PLXDC1: variants seen among roughly 807,000 people sequenced by gnomAD.
PLXDC1 encodes plexin domain containing 1.
In PLXDC1, 39 loss-of-function variants were observed where a neutral mutation model predicts 61.3. The ratio of observed to expected loss-of-function variants is 0.64; its 90% CI spans 0.49 to 0.83. The LOEUF (loss-of-function observed/expected upper bound fraction) is 0.83. PLXDC1 is among the 40% of genes least tolerant of loss of function. The pLI, the probability that PLXDC1 is intolerant of heterozygous loss-of-function variation, is 0.00. For missense variants in PLXDC1, 596 were observed against 666.5 expected, an observed-to-expected ratio of 0.89 and a Z score of 1.17; for synonymous variants, 212 against 254.5, an observed-to-expected ratio of 0.83 and a Z score of 1.59.
chr17:39,134,956 C>A (rs73983219), intron 2 of PLXDC1, among the ~76,000 whole-genome samples: 3 of 152,176 alleles, frequency 2.0e-5, no homozygotes, highest in Non-Finnish European at 2.9e-5. Flanking sequence ...CCACTTTATG[C>A]GCCTGACTCA....
intron 1 of PLXDC1, among the ~76,000 whole-genome samples, chr17:39,141,658 C>T (rs75035645): frequency 0.011 from 1,653 of 152,266 alleles, 50 homozygotes; most frequent in East Asian, 0.047. Context: ...TACCCAGAAG[C>T]GGAATTGCTG....
At chr17:39,151,977 G>A (rs2045376768), upstream of PLXDC1, among the ~76,000 whole-genome samples, 1 of 152,066 alleles carries the variant, frequency 6.6e-6, no homozygotes, top group South Asian at 2.1e-4. This position sits in a 1 kb window ranked among gnomAD's most constrained non-coding sequence, Gnocchi z 5.2. Context: ...CCCATCCCTG[G>A]GTCACGGGCC....
At chr17:39,117,715 C>T (rs977130222) in intron 2 of PLXDC1, among the ~76,000 whole-genome samples, 2 of 152,180 alleles carry the variant, frequency 1.3e-5, no homozygotes, top group African/African-American at 4.8e-5. Flanking sequence ...GCATTCCAGC[C>T]TGGGCAACAG....
chr17:39,135,141 G>A (rs1197147939), intron 2 of PLXDC1, among the ~76,000 whole-genome samples: 1 of 152,194 alleles, frequency 6.6e-6, no homozygotes, highest in East Asian at 1.9e-4. Context: ...TCGGGTTCCT[G>A]ACCTGACATC....
At chr17:39,086,337 G>A (rs562148425) in intron 8 of PLXDC1, among the ~76,000 whole-genome samples, 2 of 152,116 alleles carry the variant, frequency 1.3e-5, no homozygotes, top group Non-Finnish European at 2.9e-5. Context: ...ACCCCCTGGT[G>A]TCTGAGTCCT....
rs76034998 is a variant in PLXDC1 at position 39,067,451 on chromosome 17, A to G, written c.*389T>C. The G allele has an allele frequency of 6.0e-3, 977 of 163,504 alleles. 12 individuals carry two copies. Among genetic ancestry groups the G allele is most frequent in the East Asian group, 0.026 (149 of 5,724 alleles). 10.1% of individuals were successfully genotyped at this position (163,504 alleles called of 1,614,324 possible). A position where few individuals can be genotyped will look rare whatever the true frequency, so the allele number is the denominator to read the frequency against. ...TCCCAGAGTTAGTTTTGCAAACGGC[A>G]TGATTCCTGTTTTTGCGTTTTATGT... On this transcript the variant is annotated 3_prime_UTR_variant, in exon 14 of 14. Coordinates refer to ENST00000315392, the MANE Select transcript of PLXDC1 (RefSeq NM_020405.5).
chr17:39,077,795 TG>T, intron 11 of PLXDC1, 117 bp downstream of exon 11: 1 of 909,012 alleles, frequency 1.1e-6, no homozygotes, highest in Non-Finnish European at 1.7e-6. Context: ...TATAAAAGGA[TG>T]GGGCAGTTCC....
intron 2 of PLXDC1, among the ~76,000 whole-genome samples, chr17:39,123,240 G>C (rs1238800484): frequency 6.6e-6 from 1 of 152,124 alleles, no homozygotes; most frequent in Non-Finnish European, 1.5e-5. Flanking sequence ...GCCCAGGCTG[G>C]AGTGCAATAG....
intron 13 of PLXDC1, 136 bp from the exon 14 acceptor site, chr17:39,068,095 A>C: frequency 2.7e-6 from 2 of 744,834 alleles, no homozygotes; most frequent in Admixed American, 5.9e-5. Flanking sequence ...GGAGCCACAC[A>C]ACTGACCTTC....
intron 2 of PLXDC1, among the ~76,000 whole-genome samples, chr17:39,138,172 G>T (rs559018179): frequency 1.2e-4 from 18 of 152,158 alleles, no homozygotes; most frequent in Admixed American, 6.6e-4. Flanking sequence ...CTGAGCTCAA[G>T]CGATCCACCC....
chr17:39,141,435 G>A (rs1238261530), intron 1 of PLXDC1, among the ~76,000 whole-genome samples: 1 of 152,192 alleles, frequency 6.6e-6, no homozygotes, highest in African/African-American at 2.4e-5. Context: ...ATAAATTCAA[G>A]GTTCATTCAT....
chr17:39,109,025 T>A (rs1326451713), intron 3 of PLXDC1, 52 bp from the exon 4 acceptor site: 3 of 1,445,684 alleles, frequency 2.1e-6, no homozygotes, highest in Non-Finnish European at 2.9e-6. Flanking sequence ...GCCAGGGGCC[T>A]GGGCACCCAC....
intron 7 of PLXDC1, among the ~76,000 whole-genome samples, chr17:39,094,347 T>A (rs1910063588): frequency 6.6e-6 from 1 of 152,194 alleles, no homozygotes; most frequent in Non-Finnish European, 1.5e-5. Context: ...AAGTCTCCCA[T>A]GTCCTGACTT....
rs149565629 is a variant in PLXDC1 at position 39,077,977 on chromosome 17, G to A, written c.1122C>T (p.Ser374=). Residue 374 remains serine, a synonymous_variant, in exon 11 of 14, where the codon AGC becomes AGT. Coordinates refer to ENST00000315392, the MANE Select transcript of PLXDC1 (RefSeq NM_020405.5). Reference sequence around the variant, plus strand: ...TAGTGGTGAGGTCTCCATCATAGGGGCTGAAGGAAGTGTCAGGGGAGGCTG... The same window carrying A: ...TAGTGGTGAGGTCTCCATCATAGGGACTGAAGGAAGTGTCAGGGGAGGCTG... The part of the protein sequence containing the change: ...HDSASPDTSF[S]PYDGDLTTTS... 6.6e-5 allele frequency: 106 copies of A among 1,613,522 alleles called. No individual in the cohort carries two copies. In the African/African-American group the frequency reaches 1.4e-3, roughly 21 times the overall value.
intron 2 of PLXDC1, among the ~76,000 whole-genome samples, chr17:39,129,317 CAA>C (rs35923960): frequency 0.26 from 28,727 of 109,020 alleles, 3,029 homozygotes; most frequent in Middle Eastern, 0.39. Flanking sequence ...GACTCTGTCT[CAA>C]AAAAAAAAAA....
At chr17:39,075,895 T>C (rs893577326) in intron 11 of PLXDC1, among the ~76,000 whole-genome samples, 4 of 152,062 alleles carry the variant, frequency 2.6e-5, no homozygotes, top group African/African-American at 9.7e-5. Flanking sequence ...CTGGCCAACA[T>C]GGCAAAACCC....
At chr17:39,077,198 A>G (rs1361056616) in intron 11 of PLXDC1, among the ~76,000 whole-genome samples, 5 of 152,182 alleles carry the variant, frequency 3.3e-5, no homozygotes, top group Admixed American at 2.0e-4. Context: ...AGGATAAGGG[A>G]GAGGAATGTC....
At chr17:39,128,096 T>A (rs12450795) in intron 2 of PLXDC1, among the ~76,000 whole-genome samples, 1 of 89,792 alleles carries the variant, frequency 1.1e-5, no homozygotes, top group Non-Finnish European at 2.2e-5. Flanking sequence ...TCTCTCTATG[T>A]GTATATATAT....
chr17:39,102,644 G>A (rs1016389622), intron 7 of PLXDC1, among the ~76,000 whole-genome samples: 4 of 151,906 alleles, frequency 2.6e-5, no homozygotes, highest in African/African-American at 9.7e-5. Flanking sequence ...TGCTGAGACA[G>A]AACAGTGGGC....
Sources: gnomAD v4.1 joint callset for allele counts (sites outside exome capture counted in the v4.1 genomes callset) on GRCh38, gnomAD v4.1.1 for gene constraint, Gnocchi (gnomAD v3.1) non-coding constraint, MANE v1.5 for transcripts, NCBI Gene and HGNC (gene_info 2026-07-23, HGNC 2026-07-21) for gene names.